Variants in ST18 observed in about 807,000 individuals in gnomAD.
The protein encoded by ST18 is suppression of tumorigenicity 18 protein.
A neutral mutation model predicts 110.0 loss-of-function variants in ST18; 50 were observed. The observed-to-expected ratio is 0.45, with a 90% CI of 0.36 to 0.58. ST18 has a LOEUF of 0.58. ST18 is among the 20% of genes least tolerant of loss of function. ST18 has a pLI of 0.00. For missense variants in ST18, 1,306 were observed against 1,280.1 expected (o/e 1.02, Z -0.31); for synonymous variants, 461 against 452.4 (o/e 1.02, Z -0.24).
At chr8:52,139,654 C>A (rs1410420445) in intron 17 of ST18, among the ~76,000 whole-genome samples, 1 of 152,080 alleles carries the variant, frequency 6.6e-6, no homozygotes. Context: ...CCGCGCCCGG[C>A]CTATTTTATA....
intron 6 of ST18, among the ~76,000 whole-genome samples, chr8:52,216,756 T>C (rs1439131414): frequency 6.6e-6 from 1 of 152,204 alleles, no homozygotes; most frequent in African/African-American, 2.4e-5. Flanking sequence ...TATTCTTCAT[T>C]TGGATTATTC....
intron 2 of ST18, among the ~76,000 whole-genome samples, chr8:52,295,710 C>CTTTTTTTTTTTT (rs371927202): frequency 2.3e-5 from 3 of 130,846 alleles, no homozygotes; most frequent in Non-Finnish European, 4.7e-5. Context: ...TCTTTTTTTC[C>CTTTTTTTTTTTT]TTTTTTTTTT....
chr8:52,140,784 A>G (rs2054698632), intron 17 of ST18, among the ~76,000 whole-genome samples: 1 of 152,182 alleles, frequency 6.6e-6, no homozygotes, highest in Admixed American at 6.5e-5. Context: ...ATTGCAGGTT[A>G]ATTTTCAATC....
intron 2 of ST18, among the ~76,000 whole-genome samples, chr8:52,380,015 T>C (rs890804720): frequency 6.6e-6 from 1 of 152,220 alleles, no homozygotes; most frequent in East Asian, 1.9e-4. Context: ...CTCATAGTTT[T>C]TGAATGTTTT....
At chr8:52,125,168 G>A (rs2046520057) in intron 23 of ST18, among the ~76,000 whole-genome samples, 1 of 152,154 alleles carries the variant, frequency 6.6e-6, no homozygotes. Context: ...AGAGAACTCA[G>A]AAACTGTGTC....
At chr8:52,144,900 C>T (rs565746820) in intron 16 of ST18, among the ~76,000 whole-genome samples, 2 of 152,172 alleles carry the variant, frequency 1.3e-5, no homozygotes, top group Admixed American at 6.5e-5. Flanking sequence ...CCTGATAATT[C>T]CGCCATCTAC....
intron 3 of ST18, among the ~76,000 whole-genome samples, chr8:52,226,163 G>A (rs2089305432): frequency 6.6e-6 from 1 of 152,128 alleles, no homozygotes; most frequent in Non-Finnish European, 1.5e-5. Flanking sequence ...AATGAATCTG[G>A]CACAAGGAGA....
At chr8:52,238,385 G>T (rs1462859443) in intron 2 of ST18, among the ~76,000 whole-genome samples, 1 of 151,998 alleles carries the variant, frequency 6.6e-6, no homozygotes, top group Non-Finnish European at 1.5e-5. Context: ...GCCATAAAAA[G>T]GAATGAAGTA....
At chr8:52,286,552 TTTAAC>T (rs1237375236) in intron 2 of ST18, among the ~76,000 whole-genome samples, 5 of 152,114 alleles carry the variant, frequency 3.3e-5, no homozygotes, top group Non-Finnish European at 7.4e-5. Context: ...TGCAAGTTCT[TTTAAC>T]TTAACAGGCT....
intron 25 of ST18, among the ~76,000 whole-genome samples, chr8:52,113,541 A>G (rs1349897730): frequency 6.6e-6 from 1 of 152,132 alleles, no homozygotes; most frequent in Non-Finnish European, 1.5e-5. Context: ...GACGAATATG[A>G]CTGGCTTGTA....
At chr8:52,399,874 T>C (rs1387306433) in intron 2 of ST18, among the ~76,000 whole-genome samples, 2 of 152,060 alleles carry the variant, frequency 1.3e-5, no homozygotes, top group Admixed American at 6.5e-5. Context: ...GAAAAGAATG[T>C]TTATTCTGCT....
intron 8 of ST18, among the ~76,000 whole-genome samples, chr8:52,196,239 T>A (rs932436809): frequency 6.6e-6 from 1 of 152,192 alleles, no homozygotes; most frequent in Non-Finnish European, 1.5e-5. Context: ...CCTGGGTCAG[T>A]GGAGGAACCA....
intron 2 of ST18, among the ~76,000 whole-genome samples, chr8:52,263,392 G>A (rs1447645070): frequency 6.6e-6 from 1 of 152,150 alleles, no homozygotes; most frequent in Non-Finnish European, 1.5e-5. Flanking sequence ...TCAAATGCAA[G>A]TGCTTACCCA....
chr8:52,269,188 C>T (rs1043081100), intron 2 of ST18, among the ~76,000 whole-genome samples: 15 of 152,184 alleles, frequency 9.9e-5, no homozygotes, highest in African/African-American at 3.4e-4. Context: ...GAATAAGTGA[C>T]CCATCACCCT....
intron 8 of ST18, chr8:52,194,776 G>C (rs922341042): frequency 6.6e-6 from 1 of 152,116 alleles, no homozygotes; most frequent in African/African-American, 2.4e-5. Context: ...ACCCTAACTG[G>C]TCCACACAAA....
At chr8:52,166,255 C>A (rs2062947568) in intron 11 of ST18, among the ~76,000 whole-genome samples, 1 of 152,182 alleles carries the variant, frequency 6.6e-6, no homozygotes, top group Non-Finnish European at 1.5e-5. Flanking sequence ...ACTGCCCCTC[C>A]CAGGCTAGCC....
chr8:52,318,293 A>G (rs915733622), intron 2 of ST18, among the ~76,000 whole-genome samples: 2 of 152,244 alleles, frequency 1.3e-5, no homozygotes, highest in African/African-American at 2.4e-5. Flanking sequence ...ACAAACATGA[A>G]AAAAAGCCCA....
intron 8 of ST18, among the ~76,000 whole-genome samples, chr8:52,203,411 T>A (rs1458403620): frequency 6.6e-6 from 1 of 152,108 alleles, no homozygotes; most frequent in African/African-American, 2.4e-5. Context: ...GACAAACCAG[T>A]CAAATTCTAG....
chr8:52,239,522 A>G (rs1426661371), intron 2 of ST18, among the ~76,000 whole-genome samples: 2 of 152,118 alleles, frequency 1.3e-5, no homozygotes, highest in African/African-American at 4.8e-5. Context: ...GGGTATGAGA[A>G]GATGAGCCTA....
Sources: gnomAD v4.1 joint callset for allele counts (sites outside exome capture counted in the v4.1 genomes callset) on GRCh38, gnomAD v4.1.1 for gene constraint, MANE v1.5 for transcripts, NCBI Gene and HGNC (gene_info 2026-07-23, HGNC 2026-07-21) for gene names.